Variants in LRRTM4 observed in about 807,000 individuals in gnomAD.
LRRTM4 encodes leucine-rich repeat transmembrane neuronal protein 4.
A neutral mutation model predicts 47.6 loss-of-function variants in LRRTM4; 25 were observed. The observed-to-expected ratio is 0.53, with a 90% CI of 0.38 to 0.73. The LOEUF (loss-of-function observed/expected upper bound fraction) is 0.73, where lower values mean the gene tolerates loss of function less well. Ranked by LOEUF, LRRTM4 falls within the 30% of genes least tolerant of loss-of-function variation. The pLI, the probability that LRRTM4 is intolerant of heterozygous loss-of-function variation, is 0.00. For missense variants in LRRTM4, 638 were observed against 713.4 expected (o/e 0.89, Z 1.20); for synonymous variants, 311 against 269.5 (o/e 1.15, Z -1.51).
Position 76,827,594 on chromosome 2 carries a change from G to A in LRRTM4, c.1552-78678C>T, listed in dbSNP as rs552679071. Among the ~76,000 whole-genome samples, 11 of 151,922 alleles carry A rather than the reference G, an allele frequency of 7.2e-5. No homozygotes were observed. In the South Asian group the frequency reaches 2.3e-3, roughly 32 times the overall value. ...ATTGAAACATTTCTTATCTGATTCT[G>A]AGAATGTGCAATTCAAATTGACCAA... On this transcript the variant is annotated intron_variant, in intron 3 of 3. Transcript: ENST00000409884.
rs573744754 is a variant in LRRTM4 at position 77,429,467 on chromosome 2, T to C, written c.1551+88851A>G. On this transcript the variant is annotated intron_variant, in intron 3 of 3. Transcript: ENST00000409884. ...ATCAACCTAAGTGTCCATCAAAAGA[T>C]GAGTGGATAAAGAAAATGTGATACT... Among the ~76,000 whole-genome samples the C allele has an allele frequency of 2.6e-5, 4 of 152,104 alleles. No individual in the cohort carries two copies. The South Asian group carries it at 8.3e-4, about 32-fold the overall frequency.
intron 3 of LRRTM4, among the ~76,000 whole-genome samples, chr2:76,895,840 ACTTAC>A (rs1466675379): frequency 3.3e-5 from 5 of 152,078 alleles, no homozygotes; most frequent in African/African-American, 1.2e-4. Context: ...AACCCCGATT[ACTTAC>A]CTTGACAACT....
chr2:76,903,789 T>A (rs1673726092), intron 3 of LRRTM4, among the ~76,000 whole-genome samples: 1 of 152,168 alleles, frequency 6.6e-6, no homozygotes. Context: ...TATTTATAGA[T>A]CCAGTTACTA....
At chr2:76,811,792 C>T (rs1670741909) in intron 3 of LRRTM4, among the ~76,000 whole-genome samples, 1 of 152,130 alleles carries the variant, frequency 6.6e-6, no homozygotes, top group Non-Finnish European at 1.5e-5. Flanking sequence ...CAACAGAAGG[C>T]AGCCAATTAG....
intron 3 of LRRTM4, among the ~76,000 whole-genome samples, chr2:77,419,182 C>T (rs200289831): frequency 2.2e-4 from 33 of 152,168 alleles, no homozygotes; most frequent in Middle Eastern, 3.4e-3. Flanking sequence ...TATTTATTTT[C>T]TTTGGCTTAC....
At chr2:76,934,495 C>A (rs1167084718) in intron 3 of LRRTM4, among the ~76,000 whole-genome samples, 2 of 152,134 alleles carry the variant, frequency 1.3e-5, no homozygotes, top group Non-Finnish European at 2.9e-5. Context: ...TGTTGCAAGA[C>A]TTCAATTTAA....
chr2:76,773,027 A>G (rs1673780321), intron 3 of LRRTM4: 1 of 152,178 alleles, frequency 6.6e-6, no homozygotes, highest in Non-Finnish European at 1.5e-5. Flanking sequence ...TCATTCACGA[A>G]TTGAAGGTCT....
At chr2:77,468,131 T>C (rs938181725) in intron 3 of LRRTM4, among the ~76,000 whole-genome samples, 1 of 152,214 alleles carries the variant, frequency 6.6e-6, no homozygotes, top group Admixed American at 6.5e-5. Context: ...GTATTTGTTT[T>C]ATACCCTCCC....
chr2:76,918,497 A>G (rs992427847), intron 3 of LRRTM4, among the ~76,000 whole-genome samples: 4 of 152,172 alleles, frequency 2.6e-5, no homozygotes, highest in African/African-American at 9.7e-5. Context: ...GTCTAGGAAT[A>G]TATCTGGCTC....
At chr2:77,382,116 G>A (rs1673078235) in intron 3 of LRRTM4, among the ~76,000 whole-genome samples, 1 of 151,894 alleles carries the variant, frequency 6.6e-6, no homozygotes, top group Admixed American at 6.6e-5. Context: ...CTATGGTCAA[G>A]GCTCAAGTAT....
At chr2:76,860,809 A>C (rs1672291170) in intron 3 of LRRTM4, among the ~76,000 whole-genome samples, 1 of 152,118 alleles carries the variant, frequency 6.6e-6, no homozygotes, top group Non-Finnish European at 1.5e-5. Flanking sequence ...ATTAAAGAGA[A>C]CTAGAGAACA....
chr2:76,920,864 G>C (rs1009983534), intron 3 of LRRTM4, among the ~76,000 whole-genome samples: 1 of 151,792 alleles, frequency 6.6e-6, no homozygotes, highest in Admixed American at 6.6e-5. Flanking sequence ...TTTTCCTAGC[G>C]TCTGTCTCTG....
intron 3 of LRRTM4, among the ~76,000 whole-genome samples, chr2:76,948,554 G>A (rs1675398820): frequency 6.6e-6 from 1 of 151,592 alleles, no homozygotes; most frequent in South Asian, 2.1e-4. Flanking sequence ...AATTTCTTGG[G>A]CTGATTATGA....
intron 3 of LRRTM4, among the ~76,000 whole-genome samples, chr2:76,935,290 C>A (rs11126577): frequency 0.28 from 42,813 of 151,998 alleles, 7,673 homozygotes; most frequent in African/African-American, 0.51. Context: ...TAGTGTGATG[C>A]CTCCAGCTTT....
intron 3 of LRRTM4, among the ~76,000 whole-genome samples, chr2:76,838,463 A>G (rs1456732693): frequency 6.6e-6 from 1 of 152,154 alleles, no homozygotes; most frequent in Non-Finnish European, 1.5e-5. Context: ...GCATACTATT[A>G]TTAATGATAG....
chr2:76,845,911 CAG>C (rs1671825407), intron 3 of LRRTM4, among the ~76,000 whole-genome samples: 2 of 152,134 alleles, frequency 1.3e-5, no homozygotes, highest in Admixed American at 1.3e-4. Context: ...GGTGATAAAA[CAG>C]GGAATACAGT....
intron 3 of LRRTM4, among the ~76,000 whole-genome samples, chr2:77,379,879 T>C (rs757793598): frequency 6.6e-6 from 1 of 152,108 alleles, no homozygotes; most frequent in Non-Finnish European, 1.5e-5. Flanking sequence ...TAACTTGTAG[T>C]TGGTCTATCT....
intron 3 of LRRTM4, among the ~76,000 whole-genome samples, chr2:77,420,446 A>T (rs1208966024): frequency 1.3e-5 from 2 of 152,082 alleles, no homozygotes; most frequent in African/African-American, 4.8e-5. Context: ...TAGAAATTTA[A>T]ACGCAGCTTT....
intron 3 of LRRTM4, among the ~76,000 whole-genome samples, chr2:77,211,447 G>A (rs561636712): frequency 1.3e-5 from 2 of 152,248 alleles, no homozygotes; most frequent in East Asian, 3.9e-4. Flanking sequence ...CAGAGAAAGG[G>A]AAACAAATCT....
Sources: gnomAD v4.1 joint callset for allele counts (sites outside exome capture counted in the v4.1 genomes callset) on GRCh38, gnomAD v4.1.1 for gene constraint, MANE v1.5 for transcripts, NCBI Gene and HGNC (gene_info 2026-07-23, HGNC 2026-07-21) for gene names.